FER1L5: variants seen among roughly 807,000 people sequenced by gnomAD.
The protein encoded by FER1L5 is fer-1 like family member 5, also known as fer-1-like protein 5.
Under a neutral mutation model 279.9 loss-of-function variants are expected in FER1L5, and 187 were observed. The observed-to-expected ratio is 0.67, with a 90% CI of 0.59 to 0.75. The LOEUF (loss-of-function observed/expected upper bound fraction) is 0.75. Ranked by LOEUF, FER1L5 falls within the 30% of genes least tolerant of loss-of-function variation. FER1L5 has a pLI of 0.00. For missense variants in FER1L5, 2,091 were observed against 2,594.4 expected, an observed-to-expected ratio of 0.81 and a Z score of 4.21; for synonymous variants, 921 against 989.7, an observed-to-expected ratio of 0.93 and a Z score of 1.30.
chr2:96,661,839 C>T (rs773098785), intron 12 of FER1L5, 48 bp downstream of exon 12: 110 of 1,548,266 alleles, frequency 7.1e-5, no homozygotes, highest in Non-Finnish European at 8.6e-5. Context: ...ATTCCCTACA[C>T]GGTGATACCC....
At chr2:96,685,652 G>A (rs995580274) in intron 21 of FER1L5, among the ~76,000 whole-genome samples, 5 of 151,794 alleles carry the variant, frequency 3.3e-5, no homozygotes, top group African/African-American at 7.3e-5. Flanking sequence ...ACCCACACCC[G>A]AGGCTCCTCT....
At position 96,687,967 on chromosome 2, in the gene FER1L5, C is replaced by T; in HGVS notation, c.2361+20C>T. 1 of 1,550,306 alleles carries T rather than the reference C, an allele frequency of 6.5e-7. No individual in the cohort carries two copies. Reference sequence around the variant, plus strand: ...GAGATGGTGAGTGGTGAGCGGCAGCCCAAGGCCAGGGCAGGCACGCGGGGG... The same window carrying T: ...GAGATGGTGAGTGGTGAGCGGCAGCTCAAGGCCAGGGCAGGCACGCGGGGG... On this transcript the variant is annotated intron_variant, in intron 24 of 52. Coordinates refer to ENST00000624922, the MANE Select transcript of FER1L5 (RefSeq NM_001293083.2).
chr2:96,651,755 C>T, intron 6 of FER1L5, 137 bp from the exon 7 acceptor site: 1 of 1,262,270 alleles, frequency 7.9e-7, no homozygotes, highest in Non-Finnish European at 1.1e-6. Flanking sequence ...GATTCTCCCA[C>T]CTCGGCCTCC....
At chr2:96,670,330 T>C (rs1426224619) in intron 18 of FER1L5, 83 bp downstream of exon 18, 13 of 1,515,750 alleles carry the variant, frequency 8.6e-6, no homozygotes, top group African/African-American at 1.4e-5. Context: ...TTTCTGACCG[T>C]GTAGAGAGGC....
At chr2:96,654,054 G>A in intron 8 of FER1L5, 1 of 367,024 alleles carries the variant, frequency 2.7e-6, no homozygotes, top group Non-Finnish European at 4.9e-6. Context: ...GTTATCAGGT[G>A]CCTACTATGT....
chr2:96,660,489 A>G, intron 10 of FER1L5, 118 bp downstream of exon 10: 2 of 873,192 alleles, frequency 2.3e-6, no homozygotes, highest in Admixed American at 2.4e-5. Context: ...TAGAGATTGT[A>G]AATTATTTTC....
chr2:96,668,925 C>T lies in FER1L5; in HGVS notation c.1224C>T (p.Ser408=), dbSNP rs1189505570. The change falls in exon 16 of 53, where the codon AGC becomes AGT. Residue 408 remains serine, a synonymous_variant. Transcript: ENST00000624922. Reference sequence around the variant, plus strand: ...GCCCGGATGAGATTGGGACTGCCAGCCTGTCCCTCAACCAGATCTCGTCCA... The same window carrying T: ...GCCCGGATGAGATTGGGACTGCCAGTCTGTCCCTCAACCAGATCTCGTCCA... ...KDCPDEIGTA[S]LSLNQISSTG... is the part of the protein sequence containing the mutation. 1.3e-6 allele frequency: 2 copies of T among 1,551,646 alleles called. No homozygotes were observed. The highest frequency in any genetic ancestry group is 4.9e-5 in the East Asian group (2 of 40,910).
Position 96,668,745 on chromosome 2 carries a change from C to T in FER1L5, c.1141-6C>T, listed in dbSNP as rs1305364969. 6.4e-7 allele frequency: 1 copy of T among 1,551,516 alleles called. No individual in the cohort carries two copies. Among genetic ancestry groups the T allele is most frequent in the South Asian group, 1.2e-5 (1 of 84,052 alleles). ...ACCCACCGCACCTCTCTCCTTCCCT[C>T]CACAGCTACCCTGCCTCTCCAGCTA... On this transcript the variant is annotated splice_region_variant and splice_polypyrimidine_tract_variant and intron_variant, in intron 14 of 52. Transcript: ENST00000624922.
At chr2:96,659,783 G>A (rs996320704) in intron 9 of FER1L5, among the ~76,000 whole-genome samples, 7 of 151,926 alleles carry the variant, frequency 4.6e-5, no homozygotes, top group African/African-American at 9.7e-5. Context: ...GAGCCACTGC[G>A]TCCGGCCAAT....
At position 96,692,085 on chromosome 2, in the gene FER1L5, A is replaced by C. The variant is rs1471431727; in HGVS notation, c.3215-19A>C. 6.4e-7 allele frequency: 1 copy of C among 1,550,982 alleles called. No homozygotes were observed. Among genetic ancestry groups the C allele is most frequent in the African/African-American group, 1.4e-5 (1 of 72,878 alleles). On this transcript the variant is annotated intron_variant, in intron 30 of 52. Transcript: ENST00000624922. The stretch of plus-strand genomic sequence containing the variant: ...TGGGGTCCTGGGGCAGGTGACAGGC[A>C]TGGCTTCTCTTTCCCCAGAGCCCCA...
chr2:96,670,299 C>T (rs748219810), intron 18 of FER1L5, 52 bp downstream of exon 18: 15 of 1,544,444 alleles, frequency 9.7e-6, no homozygotes, highest in East Asian at 2.5e-5. Context: ...CTGTCTGCCC[C>T]GGATCTACTG....
chr2:96,684,038 C>T (rs1339670842), intron 19 of FER1L5, among the ~76,000 whole-genome samples: 1 of 152,186 alleles, frequency 6.6e-6, no homozygotes, highest in Non-Finnish European at 1.5e-5. Context: ...GACCGCCTGG[C>T]TATGCCACCT....
intron 30 of FER1L5, 47 bp from the exon 31 acceptor site, chr2:96,692,057 C>T (rs762656225): frequency 9.0e-6 from 14 of 1,549,906 alleles, no homozygotes; most frequent in African/African-American, 8.2e-5. Flanking sequence ...CAGAGGGAGC[C>T]GCTGGGGTCC....
chr2:96,672,640 C>A (rs1209545564), intron 18 of FER1L5, among the ~76,000 whole-genome samples: 3 of 150,004 alleles, frequency 2.0e-5, no homozygotes, highest in African/African-American at 7.4e-5. Flanking sequence ...TGGGAAGGTT[C>A]AACCTTTCTG....
chr2:96,662,335 T>TGG, intron 13 of FER1L5, 68 bp downstream of exon 13: 1 of 1,454,208 alleles, frequency 6.9e-7, no homozygotes, highest in East Asian at 2.5e-5. Context: ...GAGAGGAGGG[T>TGG]GGCCTGGTGG....
rs776146739 is a variant in FER1L5 at position 96,691,925 on chromosome 2, G to A, written c.3176G>A (p.Arg1059Gln). ...QFRDPQRQDT[R>Q]PPNLPFIYCT... is the part of the protein sequence containing the mutation. ...AGGGACCCCCAGAGGCAGGACACCC[G>A]GCCCCCCAACTTGCCCTTCATCTAC... The change falls in exon 30 of 53, where the codon CGG (arginine) becomes CAG (glutamine). Residue 1059 changes from arginine (R) to glutamine (Q), a missense_variant. Physicochemically the swap from Arg to Gln is conservative, Grantham distance 43 (BLOSUM62 1). Transcript: ENST00000624922. The surrounding 1 kb of genome is among the most constrained non-coding windows in gnomAD (Gnocchi z 6.0). 1.7e-5 allele frequency: 26 copies of A among 1,540,784 alleles called. No individual in the cohort carries two copies. The highest frequency in any genetic ancestry group is 3.4e-4 in the Middle Eastern group (2 of 5,962).
chr2:96,689,107 T>G lies in FER1L5; in HGVS notation c.2362-106T>G. ...GCCCTTTCTTGCCTGGCTACCACATTTTTAGGATGCCCCTGCAGCCCAGAG... is the reference window on the plus strand; with the variant it reads ...GCCCTTTCTTGCCTGGCTACCACATGTTTAGGATGCCCCTGCAGCCCAGAG... On this transcript the variant is annotated intron_variant, in intron 24 of 52. Transcript: ENST00000624922. This position sits in a 1 kb window ranked among gnomAD's most constrained non-coding sequence, Gnocchi z 4.6. 7.4e-7 allele frequency: 1 copy of G among 1,348,132 alleles called. No individual in the cohort carries two copies. Among genetic ancestry groups the G allele is most frequent in the South Asian group, 1.5e-5 (1 of 65,898 alleles). The allele number at this position is 1,348,132 out of a possible 1,614,324, so 83.5% of individuals were successfully genotyped here.
At chr2:96,662,431 G>A (rs902390687) in intron 13 of FER1L5, among the ~76,000 whole-genome samples, 164 bp downstream of exon 13, 13 of 152,100 alleles carry the variant, frequency 8.5e-5, no homozygotes, top group Non-Finnish European at 1.2e-4. Context: ...CGGAGGCCAC[G>A]TCTTATTCTC....
In FER1L5 at chr2:96,661,768, A is replaced by G. The variant is rs1341676207; in HGVS notation, c.995A>G (p.Tyr332Cys). Residue 332 changes from tyrosine to cysteine, a missense_variant, in exon 12 of 53, where the codon TAC becomes TGC. Tyr to Cys is a radical substitution (Grantham distance 194). Transcript: ENST00000624922. ...ATGGCTTACTTACAGCTCTTCATCT[A>G]CTGCGCAGAGGACCTTCACCTCAGT... Reference protein sequence around the residue: ...INMAYLQLFIYCAEDLHLKKH... With the variant: ...INMAYLQLFICCAEDLHLKKH... 10 of 1,551,568 alleles carry G rather than the reference A, an allele frequency of 6.4e-6. No homozygotes were observed. In the South Asian group the frequency reaches 8.3e-5, roughly 13 times the overall value.
Sources: gnomAD v4.1 joint callset for allele counts (sites outside exome capture counted in the v4.1 genomes callset) on GRCh38, gnomAD v4.1.1 for gene constraint, Gnocchi (gnomAD v3.1) non-coding constraint, MANE v1.5 for transcripts, NCBI Gene and HGNC (gene_info 2026-07-23, HGNC 2026-07-21) for gene names.